Variants in TTC28 observed in about 807,000 individuals in gnomAD.
TTC28 encodes the protein tetratricopeptide repeat protein 28.
In TTC28, 61 loss-of-function variants were observed where a neutral mutation model predicts 198.0. The observed-to-expected ratio is 0.31, with a 90% CI of 0.25 to 0.38. The LOEUF is 0.38. Among genes scored for constraint, TTC28 ranks in the 10% least tolerant of loss-of-function variants. TTC28 has a pLI of 1.00. For missense variants in TTC28, 2,678 were observed against 3,164.0 expected, an observed-to-expected ratio of 0.85 and a Z score of 3.69; for synonymous variants, 1,171 against 1,297.8, an observed-to-expected ratio of 0.90 and a Z score of 2.10.
At chr22:28,609,614 A>G (rs1365445534) in intron 2 of TTC28, among the ~76,000 whole-genome samples, 1 of 152,094 alleles carries the variant, frequency 6.6e-6, no homozygotes, top group Non-Finnish European at 1.5e-5. Context: ...CTATGCCACC[A>G]GGGCCCTGGG....
In TTC28 at chr22:28,306,598, C is replaced by T. The variant is rs1243284845; in HGVS notation, c.427G>A (p.Ala143Thr). Reference sequence around the variant, plus strand: ...GATGCAAAGGCTGCCAGGGCATCGGCATGACGTCCAAGGTACTGGAGGGCA... The same window carrying T: ...GATGCAAAGGCTGCCAGGGCATCGGTATGACGTCCAAGGTACTGGAGGGCA... ...GVALQYLGRH[A>T]DALAAFASGL... Residue 143 changes from alanine to threonine, a missense_variant, in exon 3 of 23, where the codon GCC (alanine) becomes ACC (threonine). By Grantham distance (58) the Ala-to-Thr change is moderately conservative. Transcript: ENST00000397906. 1 of 1,551,616 alleles carries T rather than the reference C, an allele frequency of 6.4e-7. No homozygotes were observed. The highest frequency in any genetic ancestry group is 1.2e-5 in the South Asian group (1 of 84,054).
At chr22:28,614,918 G>A (rs1259078449) in intron 2 of TTC28, among the ~76,000 whole-genome samples, 8 of 151,946 alleles carry the variant, frequency 5.3e-5, no homozygotes, top group Non-Finnish European at 8.8e-5. Context: ...CAAAAGCAAC[G>A]GCAACAAAAG....
At chr22:28,178,026 T>C (rs1222302065) in intron 5 of TTC28, among the ~76,000 whole-genome samples, 1 of 152,304 alleles carries the variant, frequency 6.6e-6, no homozygotes. Flanking sequence ...TCAATATTGG[T>C]TCATCAGTTG....
intron 2 of TTC28, among the ~76,000 whole-genome samples, chr22:28,490,525 C>T (rs775398726): frequency 6.6e-6 from 1 of 152,152 alleles, no homozygotes; most frequent in Non-Finnish European, 1.5e-5. Flanking sequence ...AAGCCTACGA[C>T]GTGCCCAGAA....
rs753227017 is a variant in TTC28, at chr22:28,030,206, G to A, written c.4073+20C>T. ...GCACCCTGCCCTGCACTGGGCCTGG[G>A]GAAAGCGCCCCACACTCACCTGTTA... On this transcript the variant is annotated intron_variant, in intron 13 of 22. Coordinates refer to ENST00000397906, the MANE Select transcript of TTC28 (RefSeq NM_001145418.2). 4.5e-6 allele frequency: 7 copies of A among 1,551,176 alleles called. No individual in the cohort carries two copies. Among genetic ancestry groups the A allele is most frequent in the Non-Finnish European group, 6.1e-6 (7 of 1,146,858 alleles).
At chr22:28,252,004 C>T (rs769520310) in intron 5 of TTC28, among the ~76,000 whole-genome samples, 3 of 152,048 alleles carry the variant, frequency 2.0e-5, no homozygotes, top group East Asian at 3.8e-4. Context: ...TTATATATAG[C>T]GGGGACATTA....
chr22:28,338,390 T>C (rs2045768671), intron 2 of TTC28, among the ~76,000 whole-genome samples: 1 of 152,220 alleles, frequency 6.6e-6, no homozygotes, highest in Admixed American at 6.5e-5. Context: ...TTGGCCTGCC[T>C]TGCTAGATTG....
At position 28,024,640 on chromosome 22, in the gene TTC28, G is replaced by A. The variant is rs556485855; in HGVS notation, c.4073+5586C>T. Among the ~76,000 whole-genome samples the A allele has an allele frequency of 4.6e-5, 7 of 152,348 alleles. No individual in the cohort carries two copies. In the South Asian group the frequency reaches 1.4e-3, roughly 32 times the overall value. On this transcript the variant is annotated intron_variant, in intron 13 of 22. Transcript: ENST00000397906. ...TGAGGGACAAAGTCACATCCAGTGA[G>A]GGGCAGATTTCATCTCTGCCACTGA...
chr22:28,112,480 A>T (rs1414527538), intron 6 of TTC28, among the ~76,000 whole-genome samples: 5 of 152,136 alleles, frequency 3.3e-5, no homozygotes, highest in Non-Finnish European at 7.4e-5. Context: ...GTAAAGAATC[A>T]TAGGAAGACT....
intron 2 of TTC28, among the ~76,000 whole-genome samples, chr22:28,377,270 A>C (rs1236375349): frequency 1.3e-5 from 2 of 151,506 alleles, no homozygotes; most frequent in South Asian, 2.1e-4. Context: ...AAAAAAAAAA[A>C]ACCTTGTAAT....
chr22:28,387,957 C>A (rs139620382), intron 2 of TTC28, among the ~76,000 whole-genome samples: 39,689 of 152,100 alleles, frequency 0.26, 6,496 homozygotes, highest in South Asian at 0.39. Context: ...AGGTTTTCTT[C>A]TAGGGTTTTT....
chr22:28,109,706 C>T (rs1312039762), intron 6 of TTC28, among the ~76,000 whole-genome samples: 1 of 152,136 alleles, frequency 6.6e-6, no homozygotes, highest in Non-Finnish European at 1.5e-5. Context: ...TTCGTCCATC[C>T]CAGTTGGGGC....
In TTC28 at chr22:27,978,167, C is replaced by CA. The variant is rs900765917; in HGVS notation, c.*4053dup. The CA allele has an allele frequency of 6.6e-6, 1 of 152,058 alleles. No homozygotes were observed. Among genetic ancestry groups the CA allele is most frequent in the South Asian group, 2.1e-4 (1 of 4,824 alleles). The allele number at this position is 152,058 out of a possible 1,614,324, so 9.4% of individuals were successfully genotyped here. The stretch of plus-strand genomic sequence containing the variant: ...TAATGTCTGGAAATGGTGTAATTTA[C>CA]AAAAAAAGTCCACGTAGGCCAAAGA... On this transcript the variant is annotated 3_prime_UTR_variant, in exon 23 of 23. Coordinates refer to ENST00000397906, the MANE Select transcript of TTC28 (RefSeq NM_001145418.2).
At chr22:28,537,328 T>C (rs573845344) in intron 2 of TTC28, among the ~76,000 whole-genome samples, 2,245 of 143,040 alleles carry the variant, frequency 0.016, 84 homozygotes, top group Non-Finnish European at 0.024. Context: ...TAAAATAAAA[T>C]AAAATAAAAT....
chr22:28,296,313 T>G lies in TTC28; in HGVS notation c.818A>C (p.Glu273Ala), dbSNP rs986235624. 1.3e-6 allele frequency: 2 copies of G among 1,536,440 alleles called. No individual in the cohort carries two copies. Among genetic ancestry groups the G allele is most frequent in the African/African-American group, 2.8e-5 (2 of 71,986 alleles). ...GCCCAGATTCCCATGAGCTCGGCAT[T>G]CTCCTGTCTGGTCACCTGGATTGAA... ...VAKTLGDQTG[E>A]CRAHGNLGSA... The change falls in exon 5 of 23, where the codon GAA (glutamate) becomes GCA (alanine). Residue 273 changes from glutamate (E) to alanine (A), a missense_variant. Physicochemically the swap from Glu to Ala is moderately radical, Grantham distance 107. Coordinates refer to ENST00000397906, the MANE Select transcript of TTC28 (RefSeq NM_001145418.2).
intron 2 of TTC28, 98 bp downstream of exon 2, chr22:28,629,454 A>G: frequency 8.3e-7 from 1 of 1,211,108 alleles, no homozygotes; most frequent in Non-Finnish European, 1.1e-6. Context: ...TTATTAAAAT[A>G]TTAGTAAGTA....
chr22:28,676,611 C>T (rs920737366), intron 1 of TTC28, among the ~76,000 whole-genome samples: 7 of 151,930 alleles, frequency 4.6e-5, no homozygotes, highest in African/African-American at 1.7e-4. Context: ...GACTAAAATG[C>T]CTAATTTTTC....
intron 5 of TTC28, among the ~76,000 whole-genome samples, chr22:28,270,227 A>G (rs1211986638): frequency 6.6e-6 from 1 of 152,226 alleles, no homozygotes; most frequent in Non-Finnish European, 1.5e-5. Context: ...GAAAAAACAA[A>G]AGGCCGATGA....
intron 5 of TTC28, among the ~76,000 whole-genome samples, chr22:28,174,699 C>T (rs896103163): frequency 6.6e-6 from 1 of 152,056 alleles, no homozygotes; most frequent in Non-Finnish European, 1.5e-5. Flanking sequence ...GATGACACAG[C>T]GAAACCCCAT....
Sources: allele counts gnomAD v4.1 joint callset (sites outside exome capture counted in the v4.1 genomes callset), GRCh38; gene constraint gnomAD v4.1.1; transcripts MANE v1.5; gene names NCBI Gene and HGNC (gene_info 2026-07-23, HGNC 2026-07-21).